Variants in CYP4X1 observed in about 807,000 individuals in gnomAD.
CYP4X1 encodes the protein cytochrome P450 4X1.
A neutral mutation model predicts 57.9 loss-of-function variants in CYP4X1; 44 were observed. The observed-to-expected ratio is 0.76, with a 90% CI of 0.60 to 0.98. CYP4X1 has a LOEUF of 0.98. CYP4X1 is among the 50% of genes least tolerant of loss of function. The pLI, the probability that CYP4X1 is intolerant of heterozygous loss-of-function variation, is 0.00. For synonymous variants in CYP4X1, 227 were observed against 228.6 expected (o/e 0.99, Z 0.06); for missense variants, 532 against 623.9 (o/e 0.85, Z 1.57).
chr1:46,987,540 G>C, the CYP4X1 span, among the ~76,000 whole-genome samples: 1 of 152,134 alleles, frequency 6.6e-6, no homozygotes, highest in Non-Finnish European at 1.5e-5. Flanking sequence ...AGACCTAATA[G>C]ACATCGACAG....
chr1:47,012,055 C>T, the CYP4X1 span, among the ~76,000 whole-genome samples: 1 of 152,206 alleles, frequency 6.6e-6, no homozygotes, highest in Non-Finnish European at 1.5e-5. Context: ...TATCCCATTA[C>T]TGGGTATATA....
intron 1 of CYP4X1, among the ~76,000 whole-genome samples, chr1:47,025,560 A>G (rs1644053771): frequency 6.6e-6 from 1 of 152,126 alleles, no homozygotes; most frequent in Non-Finnish European, 1.5e-5. Context: ...TATTTTTATT[A>G]TGCAAATGTT....
At chr1:47,021,142 C>CAAAAAAAAAAAAAAAAAA (rs546594827), upstream of CYP4X1, among the ~76,000 whole-genome samples, 3 of 47,458 alleles carry the variant, frequency 6.3e-5, no homozygotes, top group African/African-American at 2.0e-4. Context: ...GCAGGAATGC[C>CAAAAAAAAAAAAAAAAAA]AAAAAAAAAA....
intron 3 of CYP4X1, among the ~76,000 whole-genome samples, chr1:47,031,681 CGT>C (rs1354872462): frequency 6.6e-6 from 1 of 152,080 alleles, no homozygotes; most frequent in Non-Finnish European, 1.5e-5. Context: ...CTTCTTCATC[CGT>C]TTCTCTCCCA....
chr1:47,042,137 G>A (rs1265037544), intron 8 of CYP4X1, among the ~76,000 whole-genome samples: 5 of 151,960 alleles, frequency 3.3e-5, no homozygotes, highest in Non-Finnish European at 7.4e-5. Context: ...TAGTTTATAT[G>A]TCTCTTTTTT....
At chr1:47,052,684 C>T (rs1453064316), downstream of CYP4X1, among the ~76,000 whole-genome samples, 2 of 152,146 alleles carry the variant, frequency 1.3e-5, no homozygotes, top group Non-Finnish European at 1.5e-5. Context: ...ATCTCACTGA[C>T]ATTTATTGAC....
the CYP4X1 span, among the ~76,000 whole-genome samples, chr1:47,016,429 C>G: frequency 1.3e-5 from 2 of 151,894 alleles, no homozygotes; most frequent in Non-Finnish European, 2.9e-5. Context: ...ACAAGCTCCA[C>G]CTCCCAGGTT....
chr1:46,979,712 G>A, the CYP4X1 span, among the ~76,000 whole-genome samples: 29 of 152,100 alleles, frequency 1.9e-4, no homozygotes, highest in Non-Finnish European at 3.1e-4. Context: ...GATGAACATC[G>A]ATGCGAAAAT....
intron 1 of CYP4X1, 25 bp downstream of exon 1, chr1:47,024,019 A>G: frequency 1.3e-6 from 2 of 1,598,530 alleles, no homozygotes; most frequent in Non-Finnish European, 8.5e-7. Context: ...GGAGGGAGGA[A>G]GGAGGAGGGA....
chr1:47,029,737 T>G (rs1644106458), intron 1 of CYP4X1, among the ~76,000 whole-genome samples: 1 of 152,158 alleles, frequency 6.6e-6, no homozygotes, highest in Non-Finnish European at 1.5e-5. Flanking sequence ...GAGTTCACAG[T>G]AAATGTCATT....
the CYP4X1 span, chr1:46,961,731 G>A: frequency 1.5e-6 from 2 of 1,309,764 alleles, no homozygotes; most frequent in African/African-American, 1.5e-5. Context: ...GCCCTAATAT[G>A]TATGACTTCT....
At chr1:47,048,454 C>A in intron 9 of CYP4X1, 111 bp from the exon 10 acceptor site, 1 of 1,132,514 alleles carries the variant, frequency 8.8e-7, no homozygotes, top group Non-Finnish European at 1.3e-6. Flanking sequence ...GCAGGCAGAG[C>A]ATTGCCAGGA....
At chr1:46,972,814 A>G in the CYP4X1 span, among the ~76,000 whole-genome samples, 2 of 152,122 alleles carry the variant, frequency 1.3e-5, no homozygotes, top group African/African-American at 4.8e-5. Flanking sequence ...GAAGTTTCTG[A>G]GATCTAGGAG....
chr1:47,036,269 T>A (rs1342729197), intron 6 of CYP4X1, 98 bp downstream of exon 6: 1 of 1,377,528 alleles, frequency 7.3e-7, no homozygotes, highest in East Asian at 2.5e-5. Context: ...AGAAAGAATC[T>A]TTGTTATTAA....
upstream of CYP4X1, among the ~76,000 whole-genome samples, chr1:47,021,459 G>C (rs1221030516): frequency 6.6e-6 from 1 of 152,192 alleles, no homozygotes; most frequent in Non-Finnish European, 1.5e-5. Flanking sequence ...GTGGTCAAGA[G>C]AGTATCTAAT....
the CYP4X1 span, among the ~76,000 whole-genome samples, chr1:46,997,114 A>G: frequency 1.3e-5 from 2 of 151,956 alleles, no homozygotes; most frequent in African/African-American, 4.8e-5. Flanking sequence ...GTTTATGTCT[A>G]CTCCTTTACA....
chr1:46,998,687 T>C, the CYP4X1 span, among the ~76,000 whole-genome samples: 1 of 152,198 alleles, frequency 6.6e-6, no homozygotes, highest in Non-Finnish European at 1.5e-5. Context: ...AGTTTTCTTC[T>C]AGGATTTTTA....
chr1:47,026,879 A>C (rs1446459180), intron 1 of CYP4X1, among the ~76,000 whole-genome samples: 1 of 151,220 alleles, frequency 6.6e-6, no homozygotes, highest in East Asian at 2.0e-4. Context: ...CACCACACCA[A>C]CTAATTTTTG....
At chr1:47,024,858 A>G (rs1644044894) in intron 1 of CYP4X1, among the ~76,000 whole-genome samples, 2 of 152,224 alleles carry the variant, frequency 1.3e-5, no homozygotes, top group Non-Finnish European at 1.5e-5. Context: ...CAGCAGAGCT[A>G]CTACACGATC....
Sources: allele counts gnomAD v4.1 joint callset (sites outside exome capture counted in the v4.1 genomes callset), GRCh38; gene constraint gnomAD v4.1.1; transcripts MANE v1.5; gene names NCBI Gene and HGNC (gene_info 2026-07-23, HGNC 2026-07-21).